The following CYP19A1 variants were observed in gnomAD, a reference collection of about 807,000 sequenced individuals.
CYP19A1 encodes the protein cytochrome P450 family 19 subfamily A member 1, also known as aromatase.
In CYP19A1, 32 loss-of-function variants were observed where a neutral mutation model predicts 44.4. That is an observed-to-expected ratio of 0.72 (90% CI 0.54 to 0.97). CYP19A1 has a LOEUF of 0.97. Ranked by LOEUF, CYP19A1 falls within the 50% of genes least tolerant of loss-of-function variation. CYP19A1 has a pLI of 0.00. For missense variants in CYP19A1, 598 were observed against 637.8 expected (o/e 0.94, Z 0.67); for synonymous variants, 212 against 215.6 (o/e 0.98, Z 0.14).
intron 1 of CYP19A1, among the ~76,000 whole-genome samples, chr15:51,281,051 C>T (rs1035804058): frequency 2.0e-5 from 3 of 152,208 alleles, no homozygotes; most frequent in African/African-American, 7.2e-5. Context: ...CACTGAGCAT[C>T]CAGAGACCCT....
At chr15:51,227,584 C>T (rs1437662851) in intron 4 of CYP19A1, among the ~76,000 whole-genome samples, 195 bp downstream of exon 4, 2 of 151,708 alleles carry the variant, frequency 1.3e-5, no homozygotes, top group Admixed American at 6.6e-5. Flanking sequence ...GTGGGAGAAT[C>T]GCCTGAGCCT....
At chr15:51,336,595 G>A (rs2036779092) in intron 1 of CYP19A1, among the ~76,000 whole-genome samples, 1 of 152,168 alleles carries the variant, frequency 6.6e-6, no homozygotes, top group Non-Finnish European at 1.5e-5. Context: ...ATACCCAAGT[G>A]CCAGGCCAGG....
rs576013821 is a variant in CYP19A1 at position 51,215,102 on chromosome 15, T to C, written c.989A>G (p.Glu330Gly). 1.2e-6 allele frequency: 2 copies of C among 1,614,038 alleles called. No homozygotes were observed. The highest frequency in any genetic ancestry group is 4.5e-5 in the East Asian group (2 of 44,838). ...FLIAKHPNVE[E>G]AIIKEIQTVI... ...AGTCTGGATTTCCTTTATTATTGCC[T>C]CTTCAACATTAGGGTGCTTTGCAAT... The change falls in exon 8 of 10, where the codon GAG (glutamate) becomes GGG (glycine). Residue 330 changes from glutamate to glycine, a missense_variant. Transcript: ENST00000396402.
intron 1 of CYP19A1, among the ~76,000 whole-genome samples, chr15:51,325,451 T>C (rs1473168191): frequency 1.3e-5 from 2 of 152,174 alleles, no homozygotes; most frequent in African/African-American, 2.4e-5. Flanking sequence ...ACCATGAGGA[T>C]TGAGCTTCAT....
intron 1 of CYP19A1, among the ~76,000 whole-genome samples, chr15:51,311,927 C>A (rs1042572445): frequency 6.6e-6 from 1 of 152,188 alleles, no homozygotes; most frequent in South Asian, 2.1e-4. Context: ...CTCTAAAATA[C>A]CACCCTTTAT....
intron 1 of CYP19A1, among the ~76,000 whole-genome samples, chr15:51,291,522 G>A (rs1026034295): frequency 3.3e-5 from 5 of 152,128 alleles, no homozygotes; most frequent in African/African-American, 7.2e-5. Context: ...CATTTCAAAG[G>A]CCACACAGAA....
intron 1 of CYP19A1, among the ~76,000 whole-genome samples, chr15:51,266,438 G>A (rs1203201300): frequency 6.6e-6 from 1 of 152,200 alleles, no homozygotes; most frequent in African/African-American, 2.4e-5. Flanking sequence ...AGGACTGAGT[G>A]GGAAGCCTCC....
At chr15:51,230,023 T>A (rs545806358) in intron 3 of CYP19A1, among the ~76,000 whole-genome samples, 3 of 152,388 alleles carry the variant, frequency 2.0e-5, no homozygotes, top group East Asian at 3.9e-4. Context: ...GGGCACCAAC[T>A]TCTCAGCTAT....
rs1474563724 is a variant in CYP19A1 at position 51,242,850 on chromosome 15, C to T, written c.63G>A (p.Met21Ile). The T allele has an allele frequency of 6.2e-7, 1 of 1,600,328 alleles. No homozygotes were observed. Among genetic ancestry groups the T allele is most frequent in the Admixed American group, 1.7e-5 (1 of 60,014 alleles). ...YNITSIVPEA[M>I]PAATMPVLLL... ...GCAGGACTGGCATGGTGGCAGCAGG[C>T]ATGGCTTCAGGCACGATGCTGGTGA... The change falls in exon 2 of 10, where the codon ATG (methionine) becomes ATA (isoleucine). Residue 21 changes from methionine (M) to isoleucine (I), a missense_variant. Met to Ile is a conservative substitution (Grantham distance 10). Transcript: ENST00000396402.
intron 1 of CYP19A1, among the ~76,000 whole-genome samples, chr15:51,303,774 C>A (rs978305677): frequency 1.3e-5 from 2 of 152,136 alleles, no homozygotes; most frequent in African/African-American, 2.4e-5. Context: ...CAGAGAGGAG[C>A]CAAGTTGAAG....
Position 51,227,859 on chromosome 15 carries a change from C to T in CYP19A1, c.371G>A (p.Cys124Tyr). 1 of 1,531,616 alleles carries T rather than the reference C, an allele frequency of 6.5e-7. No individual in the cohort carries two copies. The highest frequency in any genetic ancestry group is 9.1e-7 in the Non-Finnish European group (1 of 1,104,818). The allele number at this position is 1,531,616 out of a possible 1,614,324, so 94.9% of individuals were successfully genotyped here. ...GATGCCTTTCTCATGCATACCGATG[C>T]ACTGCAGCCCAAGTTTGCTGCCGAA... ...SRFGSKLGLQCIGMHEKGIIF... is the reference protein window; with the variant it reads ...SRFGSKLGLQYIGMHEKGIIF... Residue 124 changes from cysteine to tyrosine, a missense_variant, in exon 4 of 10, where the codon TGC (cysteine) becomes TAC (tyrosine). Cys to Tyr is a radical substitution (Grantham distance 194). Transcript: ENST00000396402.
At chr15:51,280,517 T>C (rs1029558001) in intron 1 of CYP19A1, among the ~76,000 whole-genome samples, 1 of 152,194 alleles carries the variant, frequency 6.6e-6, no homozygotes, top group Non-Finnish European at 1.5e-5. Flanking sequence ...CTCTAGGACA[T>C]GAGGTCCTAC....
Position 51,222,356 on chromosome 15 carries a change from A to G in CYP19A1, c.621T>C (p.Pro207=). 1 of 1,614,168 alleles carries G rather than the reference A, an allele frequency of 6.2e-7. No homozygotes were observed. The highest frequency in any genetic ancestry group is 1.7e-5 in the Admixed American group (1 of 60,028). The change falls in exon 5 of 10, where the codon CCT becomes CCC. Residue 207 remains proline (P), a synonymous_variant. Coordinates refer to ENST00000396402, the MANE Select transcript of CYP19A1 (RefSeq NM_000103.4). The part of the protein sequence containing the change: ...DTSNTLFLRI[P]LDESAIVVKI... Reference sequence around the variant, plus strand: ...GAGTGAAAATTTCAGTACCGTCCAAAGGGATCCTCAAGAAGAGCGTGTTAG... The same window carrying G: ...GAGTGAAAATTTCAGTACCGTCCAAGGGGATCCTCAAGAAGAGCGTGTTAG...
At chr15:51,229,308 C>T (rs896132128) in intron 3 of CYP19A1, among the ~76,000 whole-genome samples, 4 of 150,314 alleles carry the variant, frequency 2.7e-5, no homozygotes, top group African/African-American at 9.8e-5. Flanking sequence ...TAGGATAGCT[C>T]GAGCCCTGGA....
intron 1 of CYP19A1, among the ~76,000 whole-genome samples, chr15:51,270,293 C>T (rs1208973272): frequency 1.3e-5 from 2 of 151,954 alleles, no homozygotes; most frequent in African/African-American, 2.4e-5. Flanking sequence ...AACCTTGTAT[C>T]CTGAACTGAA....
intron 1 of CYP19A1, among the ~76,000 whole-genome samples, chr15:51,293,000 G>A (rs1566914804): frequency 1.3e-5 from 2 of 151,894 alleles, no homozygotes; most frequent in Non-Finnish European, 1.5e-5. Flanking sequence ...AGCCTCCAGA[G>A]GAAGTGACTA....
chr15:51,231,647 G>T (rs2033044609), intron 3 of CYP19A1, among the ~76,000 whole-genome samples: 1 of 151,598 alleles, frequency 6.6e-6, no homozygotes, highest in South Asian at 2.1e-4. Context: ...GCGCATGTGT[G>T]TACGTTAGCG....
At chr15:51,283,866 T>C (rs1405893984) in intron 1 of CYP19A1, among the ~76,000 whole-genome samples, 12 of 152,216 alleles carry the variant, frequency 7.9e-5, no homozygotes. Context: ...AATTGTCCCC[T>C]GCCACAGCAG....
chr15:51,238,182 A>C (rs1037203951), intron 2 of CYP19A1, among the ~76,000 whole-genome samples: 2 of 152,232 alleles, frequency 1.3e-5, no homozygotes, highest in African/African-American at 4.8e-5. Context: ...ACAGAACCAA[A>C]ATATGGTCTA....
Sources: allele counts gnomAD v4.1 joint callset (sites outside exome capture counted in the v4.1 genomes callset), GRCh38; gene constraint gnomAD v4.1.1; transcripts MANE v1.5; gene names NCBI Gene and HGNC (gene_info 2026-07-23, HGNC 2026-07-21).